SORCS3: variants seen among roughly 807,000 people sequenced by gnomAD.
SORCS3 encodes the protein sortilin related VPS10 domain containing receptor 3, also known as VPS10 domain-containing receptor SorCS3.
In SORCS3, 57 loss-of-function variants were observed where a neutral mutation model predicts 146.3. The ratio of observed to expected loss-of-function variants is 0.39; its 90% CI spans 0.31 to 0.49. SORCS3 has a LOEUF of 0.49. SORCS3 is among the 20% of genes least tolerant of loss of function. SORCS3 has a pLI of 0.92. For missense variants in SORCS3, 1,341 were observed against 1,575.5 expected (o/e 0.85, Z 2.52); for synonymous variants, 653 against 618.5 (o/e 1.06, Z -0.83).
chr10:104,927,417 A>T (rs1472098013), intron 3 of SORCS3, among the ~76,000 whole-genome samples: 1 of 152,238 alleles, frequency 6.6e-6, no homozygotes, highest in Non-Finnish European at 1.5e-5. Context: ...TGATAGGAGC[A>T]GGAAAATCAA....
chr10:104,954,097 G>T (rs980485325), intron 3 of SORCS3, among the ~76,000 whole-genome samples: 15 of 152,116 alleles, frequency 9.9e-5, no homozygotes, highest in Non-Finnish European at 8.8e-5. Flanking sequence ...ATATATATTT[G>T]ACCAACTGAC....
intron 3 of SORCS3, among the ~76,000 whole-genome samples, chr10:104,963,278 T>A (rs2054806355): frequency 6.6e-6 from 1 of 152,196 alleles, no homozygotes; most frequent in African/African-American, 2.4e-5. Flanking sequence ...AATTTATGCT[T>A]GCATCAACAT....
At chr10:104,733,157 G>A (rs927882025) in intron 1 of SORCS3, among the ~76,000 whole-genome samples, 3 of 152,152 alleles carry the variant, frequency 2.0e-5, no homozygotes, top group African/African-American at 7.2e-5. Context: ...TGGGGCCCAT[G>A]AGCTCCTCTG....
chr10:104,857,076 CTT>C (rs1217210185), intron 2 of SORCS3, among the ~76,000 whole-genome samples: 2 of 148,554 alleles, frequency 1.3e-5, no homozygotes, highest in Non-Finnish European at 3.0e-5. Context: ...GAGAGAAAAA[CTT>C]TGATGAGTGG....
At chr10:104,972,107 G>A (rs1215787960) in intron 3 of SORCS3, among the ~76,000 whole-genome samples, 1 of 152,266 alleles carries the variant, frequency 6.6e-6, no homozygotes, top group African/African-American at 2.4e-5. Context: ...GGGAAGTGGA[G>A]GCAGGCAGAT....
intron 3 of SORCS3, among the ~76,000 whole-genome samples, chr10:104,968,961 A>G (rs1461149359): frequency 2.0e-5 from 3 of 152,178 alleles, no homozygotes; most frequent in African/African-American, 4.8e-5. Context: ...TGTCTGCTTC[A>G]CTTGCTCACT....
rs751685010 is a variant in SORCS3 at position 105,001,738 on chromosome 10, TTGAAAGCAGAGGTG to T, written c.954+24246_954+24259del. On this transcript the variant is annotated intron_variant, in intron 4 of 26. Transcript: ENST00000369701. ...AGAAGCAGTTTCGCTAACTCTAGCC[TTGAAAGCAGAGGTG>T]GAACATTCTTTCATGAACACAGACA... Among the ~76,000 whole-genome samples the T allele has an allele frequency of 3.9e-3, 593 of 152,306 alleles. 5 individuals carry two copies. Among genetic ancestry groups the T allele is most frequent in the Non-Finnish European group, 6.1e-3 (418 of 68,024 alleles).
chr10:105,151,548 G>A (rs774388733), intron 9 of SORCS3, among the ~76,000 whole-genome samples: 3 of 152,108 alleles, frequency 2.0e-5, no homozygotes, highest in Non-Finnish European at 2.9e-5. Flanking sequence ...AGCTTGGGCT[G>A]ACCTTGCCCA....
chr10:105,206,605 A>C (rs149869530), intron 16 of SORCS3, among the ~76,000 whole-genome samples: 2 of 152,310 alleles, frequency 1.3e-5, no homozygotes, highest in African/African-American at 4.8e-5. Flanking sequence ...AGAAAACATA[A>C]ACCTAAAGAA....
intron 4 of SORCS3, among the ~76,000 whole-genome samples, chr10:105,039,402 G>A (rs970008868): frequency 6.6e-6 from 1 of 151,394 alleles, no homozygotes; most frequent in African/African-American, 2.4e-5. Context: ...GGCAAGGTAG[G>A]AGGTGAAACA....
intron 1 of SORCS3, among the ~76,000 whole-genome samples, chr10:104,771,293 A>G (rs1443454201): frequency 6.6e-6 from 1 of 152,182 alleles, no homozygotes; most frequent in African/African-American, 2.4e-5. Flanking sequence ...TCTCTTTTCC[A>G]GTTTCAAGAT....
chr10:104,767,198 T>C (rs925811839), intron 1 of SORCS3, among the ~76,000 whole-genome samples: 8 of 152,206 alleles, frequency 5.3e-5, no homozygotes, highest in African/African-American at 1.7e-4. Context: ...GCTGATTCTG[T>C]GACTTGTGCT....
intron 1 of SORCS3, among the ~76,000 whole-genome samples, chr10:104,745,346 C>T (rs2016895075): frequency 6.6e-6 from 1 of 152,156 alleles, no homozygotes; most frequent in African/African-American, 2.4e-5. Flanking sequence ...TAGACCAAAA[C>T]ATCTAAAAGG....
intron 6 of SORCS3, among the ~76,000 whole-genome samples, chr10:105,093,523 A>G (rs2055724768): frequency 6.6e-6 from 1 of 152,188 alleles, no homozygotes; most frequent in Non-Finnish European, 1.5e-5. Context: ...TGTAGCCAGA[A>G]CATATAAAGA....
intron 1 of SORCS3, among the ~76,000 whole-genome samples, chr10:104,823,622 C>T (rs2017900829): frequency 2.0e-5 from 3 of 152,118 alleles, no homozygotes; most frequent in Non-Finnish European, 4.4e-5. Context: ...AAGTGCAGGT[C>T]CTAAAAGGTC....
chr10:105,201,550 T>C (rs1446417611), intron 16 of SORCS3, among the ~76,000 whole-genome samples: 1 of 152,188 alleles, frequency 6.6e-6, no homozygotes, highest in Non-Finnish European at 1.5e-5. Context: ...CTGGAGAAGT[T>C]GTGCTGGGCA....
At chr10:104,835,437 G>A (rs1473304369) in intron 1 of SORCS3, among the ~76,000 whole-genome samples, 1 of 152,192 alleles carries the variant, frequency 6.6e-6, no homozygotes, top group Non-Finnish European at 1.5e-5. Context: ...TGGATGTGCA[G>A]AGAGCCCCAT....
intron 3 of SORCS3, among the ~76,000 whole-genome samples, chr10:104,960,059 G>A (rs990778318): frequency 2.6e-5 from 4 of 152,080 alleles, no homozygotes; most frequent in Admixed American, 2.6e-4. Context: ...CTAGCATTTA[G>A]ATGTTTGAGG....
chr10:104,883,612 G>A (rs370258019), intron 2 of SORCS3, among the ~76,000 whole-genome samples: 36 of 152,300 alleles, frequency 2.4e-4, no homozygotes, highest in African/African-American at 7.0e-4. Context: ...TAGGGATACC[G>A]CTCAAAGCAG....
Sources: allele counts gnomAD v4.1 joint callset (sites outside exome capture counted in the v4.1 genomes callset), GRCh38; gene constraint gnomAD v4.1.1; transcripts MANE v1.5; gene names NCBI Gene and HGNC (gene_info 2026-07-23, HGNC 2026-07-21).